GNA12: variants seen among roughly 807,000 people sequenced by gnomAD.
GNA12 encodes the protein G protein subunit alpha 12.
GNA12 carries 9 observed loss-of-function variants against 26.0 expected under a neutral mutation model. The ratio of observed to expected loss-of-function variants is 0.35; its 90% confidence interval spans 0.21 to 0.60. The LOEUF is 0.60. Among genes scored for constraint, GNA12 ranks in the 20% least tolerant of loss-of-function variants. GNA12 has a pLI of 0.78. For synonymous variants in GNA12, 264 were observed against 219.6 expected (o/e 1.20, Z -1.79); for missense variants, 405 against 525.8 (o/e 0.77, Z 2.25).
intron 2 of GNA12, among the ~76,000 whole-genome samples, chr7:2,771,764 A>G (rs1791954317): frequency 6.6e-6 from 1 of 152,206 alleles, no homozygotes; most frequent in Non-Finnish European, 1.5e-5. Context: ...TTGTGTGGAC[A>G]AATATTTTCA....
intron 2 of GNA12, among the ~76,000 whole-genome samples, chr7:2,769,078 A>G (rs1791884672): frequency 6.6e-6 from 1 of 151,946 alleles, no homozygotes; most frequent in Non-Finnish European, 1.5e-5. Context: ...TAATTTTTGT[A>G]TTTTTAGTAG....
rs570119646 is a variant in GNA12 at position 2,783,750 on chromosome 7, T to C, written c.525+11178A>G. ...CCCAGGTTGGAGTGCAGTGGGGCAA[T>C]CTCGGCTCACTGCAACCTGCGCCTC... On this transcript the variant is annotated intron_variant, in intron 2 of 3. Coordinates refer to ENST00000275364, the MANE Select transcript of GNA12 (RefSeq NM_007353.3). Among the ~76,000 whole-genome samples, 5 of 152,068 alleles carry C rather than the reference T, an allele frequency of 3.3e-5. No individual in the cohort carries two copies. In the East Asian group the frequency reaches 7.7e-4, roughly 23 times the overall value.
chr7:2,773,411 A>G (rs1260934181), intron 2 of GNA12, among the ~76,000 whole-genome samples: 1 of 152,116 alleles, frequency 6.6e-6, no homozygotes, highest in Non-Finnish European at 1.5e-5. Flanking sequence ...AAAATACAAA[A>G]ATTAGCCAGG....
At chr7:2,737,116 G>A (rs139932884) in intron 2 of GNA12, among the ~76,000 whole-genome samples, 6 of 152,266 alleles carry the variant, frequency 3.9e-5, no homozygotes, top group East Asian at 1.9e-4. Flanking sequence ...AAAGGTAACC[G>A]TGGATTGGTC....
chr7:2,841,973 G>C (rs943376563), intron 1 of GNA12, among the ~76,000 whole-genome samples: 1 of 145,670 alleles, frequency 6.9e-6, no homozygotes, highest in Non-Finnish European at 1.5e-5. Context: ...GGAAAAAGTG[G>C]TGAGGGGACA....
chr7:2,731,167 C>CT lies in GNA12; in HGVS notation c.*13_*14insA. The stretch of plus-strand genomic sequence containing the variant: ...GGGGCTGCTCAACGACGACAAACCC[C>CT]GGGGCTTCCTCGCTCACTGCAGCAT... On this transcript the variant is annotated 3_prime_UTR_variant, in exon 4 of 4. Coordinates refer to ENST00000275364, the MANE Select transcript of GNA12 (RefSeq NM_007353.3). This position sits in a 1 kb window ranked among gnomAD's most constrained non-coding sequence, Gnocchi z 6.0. 6.3e-7 allele frequency: 1 copy of CT among 1,583,384 alleles called. No individual in the cohort carries two copies. Among genetic ancestry groups the CT allele is most frequent in the Non-Finnish European group, 8.6e-7 (1 of 1,159,326 alleles).
rs769505548 is a variant in GNA12 at position 2,844,026 on chromosome 7, G to C, written c.136C>G (p.Leu46Val). ...ARRRSRDIDA[L>V]LARERRAVRR... ...ACCGCGCGCCGCTCGCGGGCCAGCA[G>C]CGCGTCGATGTCGCGGCTACGCCTC... is the stretch of plus-strand genomic sequence containing the variant. The change falls in exon 1 of 4, where the codon CTG (leucine) becomes GTG (valine). Residue 46 changes from leucine (L) to valine (V), a missense_variant. Transcript: ENST00000275364. The C allele has an allele frequency of 1.4e-5, 20 of 1,455,350 alleles. No individual in the cohort carries two copies. Among genetic ancestry groups the C allele is most frequent in the African/African-American group, 8.8e-5 (6 of 67,846 alleles). 90.2% of individuals were successfully genotyped at this position (1,455,350 alleles called of 1,614,324 possible).
chr7:2,841,474 G>A (rs1044044662), intron 1 of GNA12, among the ~76,000 whole-genome samples: 5 of 152,178 alleles, frequency 3.3e-5, no homozygotes, highest in Admixed American at 6.5e-5. Flanking sequence ...CAGGCCCTGA[G>A]ACAGCCAAAT....
At chr7:2,780,217 C>A (rs1031662361) in intron 2 of GNA12, among the ~76,000 whole-genome samples, 1 of 151,260 alleles carries the variant, frequency 6.6e-6, no homozygotes, top group Non-Finnish European at 1.5e-5. Flanking sequence ...CTTTTCTAAC[C>A]GCTGGACAAT....
chr7:2,801,621 T>C (rs1423072515), intron 1 of GNA12, among the ~76,000 whole-genome samples: 1 of 152,120 alleles, frequency 6.6e-6, no homozygotes, highest in Non-Finnish European at 1.5e-5. Flanking sequence ...GCTAAACTAC[T>C]GATGAGCTTT....
chr7:2,824,859 C>A (rs1284249984), intron 1 of GNA12, among the ~76,000 whole-genome samples: 1 of 152,212 alleles, frequency 6.6e-6, no homozygotes, highest in Non-Finnish European at 1.5e-5. Flanking sequence ...CACAGACCTC[C>A]CAGGCCTACT....
intron 2 of GNA12, among the ~76,000 whole-genome samples, chr7:2,768,281 T>C (rs1463570882): frequency 6.6e-6 from 1 of 152,238 alleles, no homozygotes; most frequent in Non-Finnish European, 1.5e-5. Flanking sequence ...TTTCCAAGTT[T>C]AAATACAGCA....
chr7:2,769,894 T>C (rs1348184226), intron 2 of GNA12, among the ~76,000 whole-genome samples: 1 of 152,246 alleles, frequency 6.6e-6, no homozygotes, highest in African/African-American at 2.4e-5. Context: ...TTTCTGAATT[T>C]GATGGGTGAA....
At chr7:2,797,391 G>C (rs1260822967) in intron 1 of GNA12, among the ~76,000 whole-genome samples, 1 of 151,534 alleles carries the variant, frequency 6.6e-6, no homozygotes, top group Non-Finnish European at 1.5e-5. Flanking sequence ...TGATCCTCTG[G>C]CCTTAGCCTT....
At chr7:2,843,491 C>T (rs1779065761) in intron 1 of GNA12, among the ~76,000 whole-genome samples, 1 of 151,838 alleles carries the variant, frequency 6.6e-6, no homozygotes, top group Non-Finnish European at 1.5e-5. Context: ...CAAAAAAAAA[C>T]TTAAAAATTA....
intron 1 of GNA12, among the ~76,000 whole-genome samples, chr7:2,823,316 C>T (rs1793411453): frequency 1.3e-5 from 2 of 152,198 alleles, no homozygotes; most frequent in Admixed American, 6.5e-5. Context: ...GGCTACTTAT[C>T]TGACTGAAGG....
At chr7:2,824,614 A>G (rs886876656) in intron 1 of GNA12, among the ~76,000 whole-genome samples, 1 of 152,212 alleles carries the variant, frequency 6.6e-6, no homozygotes, top group Non-Finnish European at 1.5e-5. Flanking sequence ...GTTTCCAATG[A>G]TGTATCCCGG....
intron 2 of GNA12, among the ~76,000 whole-genome samples, chr7:2,788,236 G>C (rs898133151): frequency 6.6e-6 from 1 of 152,066 alleles, no homozygotes; most frequent in Non-Finnish European, 1.5e-5. Context: ...GATCCATCCA[G>C]GCTCCCCCAG....
chr7:2,780,704 A>G (rs934352330), intron 2 of GNA12, among the ~76,000 whole-genome samples: 1 of 152,174 alleles, frequency 6.6e-6, no homozygotes, highest in South Asian at 2.1e-4. Context: ...AATGTTTGTG[A>G]GATTGATCAT....
Sources: gnomAD v4.1 joint callset for allele counts (sites outside exome capture counted in the v4.1 genomes callset) on GRCh38, gnomAD v4.1.1 for gene constraint, Gnocchi (gnomAD v3.1) non-coding constraint, MANE v1.5 for transcripts, NCBI Gene and HGNC (gene_info 2026-07-23, HGNC 2026-07-21) for gene names.